Variants in GMPR2 observed in about 807,000 individuals in gnomAD.
GMPR2 encodes the protein guanosine monophosphate reductase 2, also known as GMP reductase 2.
GMPR2 carries 32 observed loss-of-function variants against 38.5 expected under a neutral mutation model. The observed-to-expected ratio is 0.83, with a 90% CI of 0.63 to 1.12. The LOEUF (loss-of-function observed/expected upper bound fraction) is 1.12. Ranked by LOEUF, GMPR2 falls within the 50% of genes most tolerant of loss-of-function variation. The pLI is 0.00. For synonymous variants in GMPR2, 154 were observed against 151.0 expected (o/e 1.02, Z -0.15); for missense variants, 396 against 432.1 (o/e 0.92, Z 0.74).
chr14:24,233,585 A>G lies in GMPR2; in HGVS notation c.194A>G (p.Lys65Arg), dbSNP rs1226919098. 6.2e-7 allele frequency: 1 copy of G among 1,613,978 alleles called. No homozygotes were observed. The highest frequency in any genetic ancestry group is 2.2e-5 in the East Asian group (1 of 44,880). ...ACTGTGGGCACCTTTGAGATGGCCAAGGTTCTCTGTAAGGTAGGGCTTTCC... is the reference window on the plus strand; with the variant it reads ...ACTGTGGGCACCTTTGAGATGGCCAGGGTTCTCTGTAAGGTAGGGCTTTCC... Reference protein sequence around the residue: ...MDTVGTFEMAKVLCKFSLFTA... With the variant: ...MDTVGTFEMARVLCKFSLFTA... The change falls in exon 3 of 10, where the codon AAG becomes AGG. Residue 65 changes from lysine to arginine, a missense_variant. Transcript: ENST00000399440.
rs2040402340 is a variant in GMPR2 at position 24,237,453 on chromosome 14, G to A, written c.655-67G>A. On this transcript the variant is annotated intron_variant, in intron 7 of 9. Transcript: ENST00000399440. ...CTGGGTTCTTGTTGGCTTTGAGTTGGGCTGTTGGGACATCGCTGAGGGCTT... is the reference window on the plus strand; with the variant it reads ...CTGGGTTCTTGTTGGCTTTGAGTTGAGCTGTTGGGACATCGCTGAGGGCTT... 28 of 1,555,496 alleles carry A rather than the reference G, an allele frequency of 1.8e-5. No homozygotes were observed. The South Asian group carries it at 3.0e-4, about 17-fold the overall frequency.
chr14:24,232,968 G>A lies in GMPR2; in HGVS notation c.-45G>A. On this transcript the variant is annotated 5_prime_UTR_variant, in exon 1 of 10. The change creates a new upstream start codon in the 5' untranslated region. Transcript: ENST00000399440. ...CTCTTTGCAGGGGTAGAAGAAGGAA[G>A]TGTAGCGGGGTAAGGAATGCACCGT... The A allele has an allele frequency of 1.8e-6, 1 of 559,774 alleles. No individual in the cohort carries two copies. Among genetic ancestry groups the A allele is most frequent in the South Asian group, 2.2e-5 (1 of 46,028 alleles). 34.7% of individuals were successfully genotyped at this position (559,774 alleles called of 1,614,324 possible).
intron 3 of GMPR2, 114 bp downstream of exon 3, chr14:24,233,712 G>T: frequency 8.3e-7 from 1 of 1,200,026 alleles, no homozygotes; most frequent in South Asian, 1.2e-5. Flanking sequence ...TTAGCAGTCA[G>T]GATGCTCTGA....
chr14:24,233,548 G>A lies in GMPR2; in HGVS notation c.157G>A (p.Ala53Thr). 6.2e-7 allele frequency: 1 copy of A among 1,614,094 alleles called. No homozygotes were observed. ...ATACTCTGGGGTTCCCATCATTGCT[G>A]CCAATATGGATACTGTGGGCACCTT... ...QTYSGVPIIAANMDTVGTFEM... is the reference protein window; with the variant it reads ...QTYSGVPIIATNMDTVGTFEM... The change falls in exon 3 of 10, where the codon GCC becomes ACC. Residue 53 changes from alanine (A) to threonine (T), a missense_variant. Ala to Thr is a moderately conservative substitution (Grantham distance 58, BLOSUM62 0). Transcript: ENST00000399440.
chr14:24,238,762 T>G lies in GMPR2; in HGVS notation c.1031T>G (p.Phe344Cys). 6.2e-7 allele frequency: 1 copy of G among 1,613,314 alleles called. No individual in the cohort carries two copies. The highest frequency in any genetic ancestry group is 1.1e-5 in the South Asian group (1 of 91,052). ...IRVTQQVNPI[F>C]SEAC ...GTCACCCAGCAGGTGAATCCAATCT[T>G]CAGTGAGGCGTGCTAGACCTGAGCA... Residue 344 changes from phenylalanine to cysteine, a missense_variant, in exon 10 of 10, where the codon TTC becomes TGC. Coordinates refer to ENST00000399440, the MANE Select transcript of GMPR2 (RefSeq NM_001002002.3).
rs2040498902 is a variant in GMPR2 at position 24,239,219 on chromosome 14, AAGAG to A, written c.*446_*449del. The A allele has an allele frequency of 2.8e-6, 1 of 363,262 alleles. No individual in the cohort carries two copies. The highest frequency in any genetic ancestry group is 5.3e-6 in the Non-Finnish European group (1 of 187,178). 22.5% of individuals were successfully genotyped at this position (363,262 alleles called of 1,614,324 possible). ...TTTGTATATTTGAAATACCTCAATA[AAGAG>A]AGAGCTCATTGACTGTAAAGAGATG... is the stretch of plus-strand genomic sequence containing the variant. On this transcript the variant is annotated 3_prime_UTR_variant, in exon 10 of 10. Coordinates refer to ENST00000399440, the MANE Select transcript of GMPR2 (RefSeq NM_001002002.3).
chr14:24,235,788 G>T lies in GMPR2; in HGVS notation c.259G>T (p.Glu87Ter), dbSNP rs768787501. 2 of 1,613,772 alleles carry T rather than the reference G, an allele frequency of 1.2e-6. No homozygotes were observed. Among genetic ancestry groups the T allele is most frequent in the East Asian group, 4.5e-5 (2 of 44,888 alleles). ...GCACTATAGCCTCGTTCAGTGGCAA[G>T]AGTTTGCTGGCCAGAATCCTGACTG... The part of the protein sequence containing the change: ...HKHYSLVQWQ[E>*]FAGQNPDCLE... Residue 87 changes from glutamate to a stop codon, truncating the protein, a stop_gained, in exon 4 of 10, where the codon GAG becomes TAG. Transcript: ENST00000399440. LOFTEE classifies it high-confidence loss of function.
chr14:24,237,478 T>A (rs2040403637), intron 7 of GMPR2, 42 bp from the exon 8 acceptor site: 1 of 1,606,244 alleles, frequency 6.2e-7, no homozygotes, highest in African/African-American at 1.3e-5. Context: ...GCTGAGGGCT[T>A]GGGAAATCCA....
In GMPR2 at chr14:24,234,336, A is replaced by G. The variant is rs937667684; in HGVS notation, c.207+738A>G. On this transcript the variant is annotated intron_variant, in intron 3 of 9. Transcript: ENST00000399440. The stretch of plus-strand genomic sequence containing the variant: ...GAATTCTGCTATTGTTTGTGGCTCC[A>G]TTAGTCTTAAGGACTTCATATCCTT... 10 of 730,232 alleles carry G rather than the reference A, an allele frequency of 1.4e-5. No homozygotes were observed. In the African/African-American group the frequency reaches 1.9e-4, roughly 14 times the overall value. 45.2% of individuals were successfully genotyped at this position (730,232 alleles called of 1,614,324 possible). A position where few individuals can be genotyped will look rare whatever the true frequency, so the allele number is the denominator to read the frequency against.
intron 6 of GMPR2, 22 bp from the exon 7 acceptor site, chr14:24,237,223 A>T: frequency 6.4e-7 from 1 of 1,569,832 alleles, no homozygotes; most frequent in Non-Finnish European, 8.8e-7. Context: ...CGTCATTCTT[A>T]CCCTTATCAT....
intron 8 of GMPR2, chr14:24,237,974 G>T: frequency 2.1e-6 from 1 of 476,940 alleles, no homozygotes; most frequent in Non-Finnish European, 3.7e-6. Flanking sequence ...ATGACCAGAC[G>T]ATGATGGTAA....
At chr14:24,235,519 G>T (rs2040295568) in intron 3 of GMPR2, 1 of 567,440 alleles carries the variant, frequency 1.8e-6, no homozygotes, top group African/African-American at 1.9e-5. Context: ...CAGTACTTTG[G>T]TGGGAAATCT....
chr14:24,237,054 C>G lies in GMPR2; in HGVS notation c.466-17C>G, dbSNP rs1441757032. 2 of 1,598,000 alleles carry G rather than the reference C, an allele frequency of 1.3e-6. No homozygotes were observed. Among genetic ancestry groups the G allele is most frequent in the Non-Finnish European group, 1.7e-6 (2 of 1,165,666 alleles). ...TTCTGGCCCTAAGGATGCTGTATTTCAATTGCTCTGTCTCAGGCAGGGAAT... is the reference window on the plus strand; with the variant it reads ...TTCTGGCCCTAAGGATGCTGTATTTGAATTGCTCTGTCTCAGGCAGGGAAT... On this transcript the variant is annotated splice_polypyrimidine_tract_variant and intron_variant, in intron 5 of 9. Coordinates refer to ENST00000399440, the MANE Select transcript of GMPR2 (RefSeq NM_001002002.3).
rs559636062 is a variant in GMPR2 at position 24,235,950 on chromosome 14, C to T, written c.292-17C>T. 1.9e-6 allele frequency: 3 copies of T among 1,613,064 alleles called. No individual in the cohort carries two copies. In the South Asian group the frequency reaches 3.3e-5, roughly 18 times the overall value. On this transcript the variant is annotated splice_polypyrimidine_tract_variant and intron_variant, in intron 4 of 9. Transcript: ENST00000399440. The stretch of plus-strand genomic sequence containing the variant: ...CAGATCATCTCTGATATGCCAATGA[C>T]TCTGTTTCTCCCACAGCATCTGGCT...
rs2040173831 is a variant in GMPR2, at chr14:24,233,528, C to G, written c.137C>G (p.Ser46Cys). 1 of 1,614,028 alleles carries G rather than the reference C, an allele frequency of 6.2e-7. No homozygotes were observed. Among genetic ancestry groups the G allele is most frequent in the Non-Finnish European group, 8.5e-7 (1 of 1,179,870 alleles). The change falls in exon 3 of 10, where the codon TCT becomes TGT. Residue 46 changes from serine (S) to cysteine (C), a missense_variant. Ser to Cys is a moderately radical substitution (Grantham distance 112). Transcript: ENST00000399440. ...FSFRNSKQTY[S>C]GVPIIAANMD... ...TTTCGGAACTCAAAGCAGACATACT[C>G]TGGGGTTCCCATCATTGCTGCCAAT... is the stretch of plus-strand genomic sequence containing the variant.
chr14:24,236,036 C>T lies in GMPR2; in HGVS notation c.361C>T (p.Pro121Ser). 1 of 1,613,108 alleles carries T rather than the reference C, an allele frequency of 6.2e-7. No individual in the cohort carries two copies. Among genetic ancestry groups the T allele is most frequent in the Non-Finnish European group, 8.5e-7 (1 of 1,179,030 alleles). The change falls in exon 5 of 10, where the codon CCC becomes TCC. Residue 121 changes from proline (P) to serine (S), a missense_variant. Physicochemically the swap from Pro to Ser is moderately conservative, Grantham distance 74. Transcript: ENST00000399440. Reference sequence around the variant, plus strand: ...GCTGGAACAGATCCTGGAAGCTATTCCCCAGGTGAAGTATATATGCCTGGA... The same window carrying T: ...GCTGGAACAGATCCTGGAAGCTATTTCCCAGGTGAAGTATATATGCCTGGA... Reference protein sequence around the residue: ...EQLEQILEAIPQVKYICLDVA... With the variant: ...EQLEQILEAISQVKYICLDVA...
intron 7 of GMPR2, 58 bp from the exon 8 acceptor site, chr14:24,237,462 G>A: frequency 6.3e-7 from 1 of 1,575,952 alleles, no homozygotes; most frequent in South Asian, 1.1e-5. Context: ...GGGCTGTTGG[G>A]ACATCGCTGA....
chr14:24,233,989 CA>C (rs2040211333), intron 3 of GMPR2: 1 of 781,628 alleles, frequency 1.3e-6, no homozygotes, highest in Non-Finnish European at 1.9e-6. Flanking sequence ...TTTAAGCATT[CA>C]AAAATCCTAA....
In GMPR2 at chr14:24,235,756, T is replaced by A. The variant is rs1264519311; in HGVS notation, c.227T>A (p.Val76Asp). Reference protein sequence around the residue: ...VLCKFSLFTAVHKHYSLVQWQ... With the variant: ...VLCKFSLFTADHKHYSLVQWQ... ...CCCCAGTTCTCTCTCTTCACTGCTG[T>A]CCATAAGCACTATAGCCTCGTTCAG... Residue 76 changes from valine (V) to aspartate (D), a missense_variant, in exon 4 of 10, where the codon GTC becomes GAC. Physicochemically the swap from Val to Asp is radical, Grantham distance 152 (BLOSUM62 -3). Transcript: ENST00000399440. 1 of 1,613,110 alleles carries A rather than the reference T, an allele frequency of 6.2e-7. No individual in the cohort carries two copies. Among genetic ancestry groups the A allele is most frequent in the Non-Finnish European group, 8.5e-7 (1 of 1,179,018 alleles).
Sources: allele counts gnomAD v4.1 joint callset, GRCh38; gene constraint gnomAD v4.1.1; transcripts MANE v1.5; gene names NCBI Gene and HGNC (gene_info 2026-07-23, HGNC 2026-07-21).